Variants in GALNTL6 observed in about 807,000 individuals in gnomAD.
GALNTL6 encodes polypeptide N-acetylgalactosaminyltransferase-like 6.
Under a neutral mutation model 73.7 loss-of-function variants are expected in GALNTL6, and 46 were observed. That is an observed-to-expected ratio of 0.62 (90% CI 0.49 to 0.80). GALNTL6 has a LOEUF of 0.80. Ranked by LOEUF, GALNTL6 falls within the 30% of genes least tolerant of loss-of-function variation. The probability of loss-of-function intolerance (pLI) is 0.00; values close to 1 mark genes in which losing one functional copy is unlikely to be tolerated. For synonymous variants in GALNTL6, 259 were observed against 263.7 expected, an observed-to-expected ratio of 0.98 and a Z score of 0.17; for missense variants, 604 against 755.0, an observed-to-expected ratio of 0.80 and a Z score of 2.34.
intron 5 of GALNTL6, among the ~76,000 whole-genome samples, chr4:172,626,799 A>G (rs541221061): frequency 2.6e-5 from 4 of 152,128 alleles, no homozygotes; most frequent in African/African-American, 7.2e-5. Flanking sequence ...CAGCTTGAAC[A>G]TTATTGTTGC....
intron 4 of GALNTL6, among the ~76,000 whole-genome samples, chr4:172,329,052 T>C (rs1430138176): frequency 6.6e-6 from 1 of 152,152 alleles, no homozygotes; most frequent in Non-Finnish European, 1.5e-5. Flanking sequence ...TGTACTGGAA[T>C]CTCAGGTCAG....
At chr4:172,757,231 A>G (rs1303204592) in intron 5 of GALNTL6, among the ~76,000 whole-genome samples, 1 of 152,192 alleles carries the variant, frequency 6.6e-6, no homozygotes, top group Non-Finnish European at 1.5e-5. Flanking sequence ...AAATAAAGCT[A>G]CATTTTCCTG....
chr4:172,566,798 AG>A (rs560225089), intron 5 of GALNTL6, among the ~76,000 whole-genome samples: 134 of 152,194 alleles, frequency 8.8e-4, no homozygotes, highest in Middle Eastern at 6.8e-3. Flanking sequence ...GGAAAAAAAA[AG>A]ATTCAAATAA....
At chr4:172,997,077 T>G (rs908725264) in intron 10 of GALNTL6, among the ~76,000 whole-genome samples, 8 of 152,172 alleles carry the variant, frequency 5.3e-5, no homozygotes, top group Admixed American at 3.9e-4. Flanking sequence ...TCTTTCTAAC[T>G]CCACTTCAGT....
chr4:172,975,319 A>G (rs1750757649), intron 10 of GALNTL6, among the ~76,000 whole-genome samples: 1 of 152,112 alleles, frequency 6.6e-6, no homozygotes, highest in Non-Finnish European at 1.5e-5. Context: ...GGCAGCTTCT[A>G]TCTGCAGGCA....
chr4:172,349,666 G>A (rs979741674), intron 5 of GALNTL6, among the ~76,000 whole-genome samples: 2 of 151,896 alleles, frequency 1.3e-5, no homozygotes, highest in Non-Finnish European at 1.5e-5. Context: ...TTTAAATACT[G>A]ATTCAGAGGT....
At chr4:172,309,466 C>T (rs1357583595) in intron 3 of GALNTL6, among the ~76,000 whole-genome samples, 3 of 151,846 alleles carry the variant, frequency 2.0e-5, no homozygotes, top group Non-Finnish European at 4.4e-5. Context: ...TTAAAGGGTA[C>T]TAGAAATATT....
intron 4 of GALNTL6, among the ~76,000 whole-genome samples, chr4:172,338,326 T>G (rs987695181): frequency 1.4e-4 from 21 of 152,106 alleles, no homozygotes; most frequent in Non-Finnish European, 2.2e-4. Flanking sequence ...GTCACAATGT[T>G]CAGATTTTTT....
At chr4:172,256,252 G>A (rs905571) in intron 3 of GALNTL6, among the ~76,000 whole-genome samples, 78,007 of 150,882 alleles carry the variant, frequency 0.52, 20,339 homozygotes, top group African/African-American at 0.6. Flanking sequence ...GTCTCTACCT[G>A]CAACTACATA....
intron 5 of GALNTL6, among the ~76,000 whole-genome samples, chr4:172,425,800 A>G (rs1431565246): frequency 1.3e-5 from 2 of 152,104 alleles, no homozygotes; most frequent in African/African-American, 2.4e-5. Flanking sequence ...TAAAGAAGAA[A>G]AGAAAACAAT....
intron 5 of GALNTL6, among the ~76,000 whole-genome samples, chr4:172,365,803 C>T (rs575316691): frequency 6.6e-6 from 1 of 151,784 alleles, no homozygotes; most frequent in Non-Finnish European, 1.5e-5. Flanking sequence ...AATTTGGTAA[C>T]CTTGACAAAA....
At chr4:172,372,534 C>T (rs1291823714) in intron 5 of GALNTL6, among the ~76,000 whole-genome samples, 4 of 152,222 alleles carry the variant, frequency 2.6e-5, no homozygotes, top group Non-Finnish European at 5.9e-5. Context: ...TTTGCTACTA[C>T]ATCAATTTCC....
At chr4:173,021,365 A>G (rs1258770720) in intron 11 of GALNTL6, 111 bp from the exon 12 acceptor site, 2 of 1,088,904 alleles carry the variant, frequency 1.8e-6, no homozygotes, top group Non-Finnish European at 2.7e-6. Context: ...TCTTTTTGGC[A>G]GATCACAAAG....
At chr4:172,304,425 G>GGA (rs5864128) in intron 3 of GALNTL6, among the ~76,000 whole-genome samples, 58 of 149,882 alleles carry the variant, frequency 3.9e-4, no homozygotes, top group African/African-American at 1.3e-3. Context: ...TAGTATATGG[G>GGA]AAAAAAAAAA....
At chr4:172,284,139 T>C (rs1272260688) in intron 3 of GALNTL6, among the ~76,000 whole-genome samples, 4 of 152,176 alleles carry the variant, frequency 2.6e-5, no homozygotes, top group Admixed American at 2.6e-4. Flanking sequence ...CTAGGCACTT[T>C]GCTTTATTTC....
At chr4:172,211,887 A>G (rs965817197) in intron 2 of GALNTL6, among the ~76,000 whole-genome samples, 1 of 152,166 alleles carries the variant, frequency 6.6e-6, no homozygotes, top group Non-Finnish European at 1.5e-5. Flanking sequence ...AAACTTCATG[A>G]CTTAATCATT....
At chr4:172,131,607 T>G (rs2111019270) in intron 2 of GALNTL6, among the ~76,000 whole-genome samples, 1 of 151,868 alleles carries the variant, frequency 6.6e-6, no homozygotes, top group South Asian at 2.1e-4. Flanking sequence ...TGCTCTTTTG[T>G]CAGTGTTTTC....
chr4:172,955,556 C>T lies in GALNTL6; in HGVS notation c.1371+3298C>T, dbSNP rs77896896. On this transcript the variant is annotated intron_variant, in intron 10 of 12. Coordinates refer to ENST00000506823, the MANE Select transcript of GALNTL6 (RefSeq NM_001034845.3). ...AAAAAAGACTTTCAAAATGTTGACA[C>T]ATGCGATTTCTTTTGCCTTTCAGAG... 8.5e-5 allele frequency among the ~76,000 whole-genome samples: 13 copies of T among 152,198 alleles called. No individual in the cohort carries two copies. The East Asian group carries it at 2.5e-3, about 29-fold the overall frequency.
chr4:171,907,417 C>T (rs999063090), intron 2 of GALNTL6, among the ~76,000 whole-genome samples: 1 of 151,842 alleles, frequency 6.6e-6, no homozygotes, highest in African/African-American at 2.4e-5. Flanking sequence ...GAATAAAATA[C>T]CTAGGAATCC....
Sources: gnomAD v4.1 joint callset for allele counts (sites outside exome capture counted in the v4.1 genomes callset) on GRCh38, gnomAD v4.1.1 for gene constraint, MANE v1.5 for transcripts, NCBI Gene and HGNC (gene_info 2026-07-23, HGNC 2026-07-21) for gene names.